MYO3B: variants seen among roughly 807,000 people sequenced by gnomAD.
MYO3B encodes myosin IIIB, also known as myosin-IIIb.
MYO3B carries 156 observed loss-of-function variants against 174.6 expected under a neutral mutation model. The ratio of observed to expected loss-of-function variants is 0.89; its 90% CI spans 0.78 to 1.02. The LOEUF (loss-of-function observed/expected upper bound fraction) is 1.02. Among genes scored for constraint, MYO3B ranks in the 50% least tolerant of loss-of-function variants. The pLI, the probability that MYO3B is intolerant of heterozygous loss-of-function variation, is 0.00. For synonymous variants in MYO3B, 563 were observed against 569.1 expected (o/e 0.99, Z 0.15); for missense variants, 1,632 against 1,639.4 (o/e 1.00, Z 0.08).
rs538812052 is a variant in MYO3B, at chr2:170,443,257, A to C, written c.2651-710A>C. Among the ~76,000 whole-genome samples the C allele has an allele frequency of 7.2e-4, 110 of 152,210 alleles. 1 individual carries two copies. In the South Asian group the frequency reaches 0.023, roughly 31 times the overall value. On this transcript the variant is annotated intron_variant, in intron 22 of 34. Coordinates refer to ENST00000408978, the MANE Select transcript of MYO3B (RefSeq NM_138995.5). ...TCTCTGATGGCCAGTGATGATGAGC[A>C]TTTTTTCATGTGTCTTTTGGCTGCA...
At chr2:170,363,399 T>C (rs2105656194) in intron 8 of MYO3B, among the ~76,000 whole-genome samples, 1 of 152,098 alleles carries the variant, frequency 6.6e-6, no homozygotes. Context: ...GACAAATAGC[T>C]CCCCCTTGCA....
chr2:170,234,048 G>A (rs1004376831), intron 6 of MYO3B, among the ~76,000 whole-genome samples: 1 of 150,144 alleles, frequency 6.7e-6, no homozygotes, highest in East Asian at 2.0e-4. Context: ...GCGGGCGCCT[G>A]TAGTCCCAGC....
At chr2:170,254,380 C>T (rs1226281854) in intron 7 of MYO3B, among the ~76,000 whole-genome samples, 1 of 152,144 alleles carries the variant, frequency 6.6e-6, no homozygotes, top group Non-Finnish European at 1.5e-5. Flanking sequence ...TGACCACAGC[C>T]CTCACTGACT....
intron 16 of MYO3B, among the ~76,000 whole-genome samples, chr2:170,394,124 A>G (rs1030359774): frequency 1.3e-5 from 2 of 152,218 alleles, no homozygotes; most frequent in Admixed American, 6.5e-5. Context: ...TTGAGTACAA[A>G]TATAGTTATA....
chr2:170,621,868 A>G (rs147398422), intron 32 of MYO3B, among the ~76,000 whole-genome samples: 1 of 152,182 alleles, frequency 6.6e-6, no homozygotes, highest in African/African-American at 2.4e-5. Context: ...TTTGGAGCAC[A>G]TGTCACATTC....
intron 28 of MYO3B, among the ~76,000 whole-genome samples, chr2:170,505,315 A>G (rs959564279): frequency 6.6e-6 from 1 of 152,186 alleles, no homozygotes; most frequent in African/African-American, 2.4e-5. Context: ...AAGAAGTGGC[A>G]TGTTTCATTG....
chr2:170,619,642 C>G (rs1194608697), intron 32 of MYO3B, among the ~76,000 whole-genome samples: 1 of 151,726 alleles, frequency 6.6e-6, no homozygotes, highest in East Asian at 1.9e-4. Context: ...CAGCTGTCTT[C>G]CCCTGGAGAG....
At chr2:170,230,911 A>G (rs2093008895) in intron 6 of MYO3B, among the ~76,000 whole-genome samples, 1 of 152,150 alleles carries the variant, frequency 6.6e-6, no homozygotes, top group African/African-American at 2.4e-5. Context: ...TGTCAAAGTC[A>G]CCCAGTGAGA....
intron 32 of MYO3B, among the ~76,000 whole-genome samples, chr2:170,632,997 A>C (rs1358065567): frequency 6.6e-6 from 1 of 152,182 alleles, no homozygotes; most frequent in East Asian, 1.9e-4. Context: ...CCAACCAAAA[A>C]AAGTCCAGGG....
intron 25 of MYO3B, among the ~76,000 whole-genome samples, chr2:170,478,942 T>TATAA (rs1553504489): frequency 1.3e-5 from 2 of 149,882 alleles, no homozygotes; most frequent in Non-Finnish European, 3.0e-5. Flanking sequence ...TATATATATA[T>TATAA]AATAGGTGTT....
intron 6 of MYO3B, among the ~76,000 whole-genome samples, chr2:170,225,771 A>G (rs2092945546): frequency 6.6e-6 from 1 of 152,188 alleles, no homozygotes; most frequent in Admixed American, 6.5e-5. Flanking sequence ...GACTAGTAAA[A>G]TGGGGAGAAG....
At chr2:170,628,953 T>TACATC (rs1696703566) in intron 32 of MYO3B, among the ~76,000 whole-genome samples, 2 of 152,304 alleles carry the variant, frequency 1.3e-5, no homozygotes, top group Admixed American at 1.3e-4. Context: ...TAGGCACACT[T>TACATC]ACATCCTATG....
chr2:170,335,322 G>T, intron 7 of MYO3B, 63 bp from the exon 8 acceptor site: 1 of 1,212,078 alleles, frequency 8.3e-7, no homozygotes, highest in Non-Finnish European at 1.2e-6. Context: ...ATAAAAACAA[G>T]TTGATATTTT....
chr2:170,461,358 C>T (rs903643526), intron 23 of MYO3B, among the ~76,000 whole-genome samples: 8 of 150,964 alleles, frequency 5.3e-5, no homozygotes, highest in Admixed American at 5.3e-4. Context: ...CCTGTAATCC[C>T]AGCTACTCAG....
intron 19 of MYO3B, among the ~76,000 whole-genome samples, chr2:170,403,461 A>G (rs781432379): frequency 1.3e-5 from 2 of 152,146 alleles, no homozygotes; most frequent in Non-Finnish European, 2.9e-5. Context: ...TTTTCTAGAA[A>G]TGGAAATCAT....
chr2:170,294,760 C>G (rs9653288), intron 7 of MYO3B, among the ~76,000 whole-genome samples: 3,733 of 151,980 alleles, frequency 0.025, 172 homozygotes, highest in African/African-American at 0.084. Flanking sequence ...TGTACAACAC[C>G]AAGATTGAAC....
At chr2:170,334,271 A>G (rs1003485749) in intron 7 of MYO3B, 1 of 152,244 alleles carries the variant, frequency 6.6e-6, no homozygotes, top group Admixed American at 6.5e-5. Context: ...GCCGTAAGGA[A>G]CTCAAGAAAT....
chr2:170,352,618 T>C (rs1345005140), intron 8 of MYO3B, among the ~76,000 whole-genome samples: 1 of 152,168 alleles, frequency 6.6e-6, no homozygotes, highest in Non-Finnish European at 1.5e-5. Flanking sequence ...TGGGGCTGAT[T>C]TTCAGTGTTT....
intron 32 of MYO3B, among the ~76,000 whole-genome samples, chr2:170,617,256 T>G (rs1695519247): frequency 6.6e-6 from 1 of 152,202 alleles, no homozygotes; most frequent in African/African-American, 2.4e-5. Context: ...ATATTGTTAA[T>G]AACATGGATA....
Sources: gnomAD v4.1 joint callset for allele counts (sites outside exome capture counted in the v4.1 genomes callset) on GRCh38, gnomAD v4.1.1 for gene constraint, MANE v1.5 for transcripts, NCBI Gene and HGNC (gene_info 2026-07-23, HGNC 2026-07-21) for gene names.